PKN2: variants seen among roughly 807,000 people sequenced by gnomAD.
PKN2 encodes protein kinase N2, also known as serine/threonine-protein kinase N2.
PKN2 carries 38 observed loss-of-function variants against 119.1 expected under a neutral mutation model. The ratio of observed to expected loss-of-function variants is 0.32; its 90% confidence interval spans 0.25 to 0.42. The LOEUF (loss-of-function observed/expected upper bound fraction) is 0.42. Among genes scored for constraint, PKN2 ranks in the 10% least tolerant of loss-of-function variants. The pLI, the probability that PKN2 is intolerant of heterozygous loss-of-function variation, is 1.00. For synonymous variants in PKN2, 390 were observed against 384.9 expected (o/e 1.01, Z -0.15); for missense variants, 850 against 1,165.1 (o/e 0.73, Z 3.94).
In PKN2 at chr1:88,774,561, C is replaced by G. The variant is rs529508725; in HGVS notation, c.985+2682C>G. Among the ~76,000 whole-genome samples, 8 of 151,776 alleles carry G rather than the reference C, an allele frequency of 5.3e-5. No homozygotes were observed. The South Asian group carries it at 1.0e-3, about 20-fold the overall frequency. On this transcript the variant is annotated intron_variant, in intron 6 of 21. Coordinates refer to ENST00000370521, the MANE Select transcript of PKN2 (RefSeq NM_006256.4). ...GACTTAGAGGCTGTCTTCCAGAAAC[C>G]AGGGACAAAAACCAGCCAAATTATA...
intron 1 of PKN2, among the ~76,000 whole-genome samples, chr1:88,723,419 C>CT (rs200492115): frequency 6.8e-6 from 1 of 147,798 alleles, no homozygotes; most frequent in Non-Finnish European, 1.5e-5. Context: ...TGCCCCCCCC[C>CT]CTTTTATTTA....
At chr1:88,728,126 A>G (rs772802922) in intron 1 of PKN2, among the ~76,000 whole-genome samples, 1 of 151,406 alleles carries the variant, frequency 6.6e-6, no homozygotes, top group Non-Finnish European at 1.5e-5. Flanking sequence ...CTTCCTCAAG[A>G]CCTGAAGTTC....
chr1:88,780,864 A>G (rs1192552850), intron 6 of PKN2, among the ~76,000 whole-genome samples: 1 of 152,154 alleles, frequency 6.6e-6, no homozygotes, highest in Non-Finnish European at 1.5e-5. Context: ...AAGTAATAAA[A>G]TCACATTTTA....
chr1:88,696,558 A>T (rs1249575362), intron 1 of PKN2, among the ~76,000 whole-genome samples: 1 of 152,198 alleles, frequency 6.6e-6, no homozygotes, highest in Non-Finnish European at 1.5e-5. Flanking sequence ...ACCACAGCTG[A>T]CTGACTGAGT....
intron 8 of PKN2, among the ~76,000 whole-genome samples, chr1:88,797,244 G>A (rs111668605): frequency 0.04 from 6,019 of 151,876 alleles, 266 homozygotes; most frequent in African/African-American, 0.1. Context: ...TGAGGCAGGA[G>A]AATCACTTGA....
chr1:88,815,516 G>A, intron 16 of PKN2: 1 of 270,440 alleles, frequency 3.7e-6, no homozygotes, highest in Non-Finnish European at 7.0e-6. Flanking sequence ...TCACTTAAAA[G>A]AGAGGAGCAA....
At position 88,832,758 on chromosome 1, in the gene PKN2, T is replaced by C; in HGVS notation, c.2577T>C (p.Gly859=). 2 of 1,593,208 alleles carry C rather than the reference T, an allele frequency of 1.3e-6. No homozygotes were observed. Among genetic ancestry groups the C allele is most frequent in the South Asian group, 2.2e-5 (2 of 89,176 alleles). ...ATTTCTTCTAGTCTCCCTTTCCTGG[T>C]GATGATGAAGAGGAAGTTTTTGACA... ...EMLVGESPFP[G]DDEEEVFDSI... Residue 859 remains glycine, a synonymous_variant, in exon 20 of 22, where the codon GGT becomes GGC. Coordinates refer to ENST00000370521, the MANE Select transcript of PKN2 (RefSeq NM_006256.4).
At chr1:88,804,952 T>C in intron 10 of PKN2, 31 bp downstream of exon 10, 2 of 1,034,476 alleles carry the variant, frequency 1.9e-6, no homozygotes, top group South Asian at 2.8e-5. Context: ...GCATAGCATT[T>C]TGATATTTTC....
At position 88,806,191 on chromosome 1, in the gene PKN2, G is replaced by C. The variant is rs763089268; in HGVS notation, c.1803+174G>C. 1.3e-4 allele frequency: 82 copies of C among 611,808 alleles called. 1 individual carries two copies. Among genetic ancestry groups the C allele is most frequent in the Admixed American group, 4.5e-4 (15 of 33,704 alleles). The allele number at this position is 611,808 out of a possible 1,614,324, so 37.9% of individuals were successfully genotyped here. Reference sequence around the variant, plus strand: ...TTTTTTGAGACAGAGTTTCACTCTTGTTACCCAGGCTGGAGTGCAATGGCA... The same window carrying C: ...TTTTTTGAGACAGAGTTTCACTCTTCTTACCCAGGCTGGAGTGCAATGGCA... On this transcript the variant is annotated intron_variant, in intron 12 of 21. Coordinates refer to ENST00000370521, the MANE Select transcript of PKN2 (RefSeq NM_006256.4).
At chr1:88,827,257 C>A (rs1672534363) in intron 18 of PKN2, among the ~76,000 whole-genome samples, 1 of 151,816 alleles carries the variant, frequency 6.6e-6, no homozygotes. Context: ...AACTAGTTAG[C>A]CAAAATGTTA....
intron 1 of PKN2, among the ~76,000 whole-genome samples, chr1:88,707,073 A>G (rs1667032952): frequency 6.6e-6 from 1 of 152,034 alleles, no homozygotes. Context: ...GTTGGTCAGA[A>G]GTAGCAGTCT....
At chr1:88,769,305 A>G (rs939531028) in intron 3 of PKN2, among the ~76,000 whole-genome samples, 1 of 152,150 alleles carries the variant, frequency 6.6e-6, no homozygotes, top group Admixed American at 6.5e-5. Flanking sequence ...TCTCATTGTC[A>G]CCAGGGTTGA....
intron 15 of PKN2, among the ~76,000 whole-genome samples, chr1:88,810,992 T>C (rs1401139171): frequency 6.6e-6 from 1 of 152,234 alleles, no homozygotes; most frequent in Non-Finnish European, 1.5e-5. Context: ...GAAATTACCT[T>C]TTTTAATAAA....
At chr1:88,758,853 T>C (rs1241579502) in intron 2 of PKN2, among the ~76,000 whole-genome samples, 5 of 152,218 alleles carry the variant, frequency 3.3e-5, no homozygotes, top group African/African-American at 9.7e-5. Context: ...AATATACACA[T>C]GTATGTGTCT....
chr1:88,794,228 A>G (rs11804630), intron 8 of PKN2, among the ~76,000 whole-genome samples: 10,174 of 152,204 alleles, frequency 0.067, 700 homozygotes, highest in African/African-American at 0.18. Context: ...TTAGCCAGGC[A>G]TGGTGGCACA....
intron 4 of PKN2, among the ~76,000 whole-genome samples, chr1:88,770,776 G>A (rs1302391133): frequency 6.6e-6 from 1 of 151,000 alleles, no homozygotes; most frequent in Non-Finnish European, 1.5e-5. Flanking sequence ...TAGTAGAGAC[G>A]GGGTTTCACC....
At chr1:88,684,900 G>A in intron 1 of PKN2, 1 of 383,638 alleles carries the variant, frequency 2.6e-6, no homozygotes, top group Non-Finnish European at 4.7e-6. Flanking sequence ...TGCTGCAGCG[G>A]GAGCCTGCTC....
chr1:88,797,636 C>CAAA (rs1162541843), intron 8 of PKN2, among the ~76,000 whole-genome samples: 1 of 82,852 alleles, frequency 1.2e-5, no homozygotes. Flanking sequence ...GACTCCGTCT[C>CAAA]AAAAAAAAAA....
intron 1 of PKN2, among the ~76,000 whole-genome samples, chr1:88,685,790 A>G (rs1666069791): frequency 6.6e-6 from 1 of 152,210 alleles, no homozygotes; most frequent in Non-Finnish European, 1.5e-5. Context: ...AAATCAAGAA[A>G]TTCTGAAGAG....
Sources: allele counts gnomAD v4.1 joint callset (sites outside exome capture counted in the v4.1 genomes callset), GRCh38; gene constraint gnomAD v4.1.1; transcripts MANE v1.5; gene names NCBI Gene and HGNC (gene_info 2026-07-23, HGNC 2026-07-21).